Variants in STARD9 observed in about 807,000 individuals in gnomAD.
STARD9 encodes stAR-related lipid transfer protein 9.
In STARD9, 346 loss-of-function variants were observed where a neutral mutation model predicts 399.8. The observed-to-expected ratio is 0.87, with a 90% CI of 0.79 to 0.95. The LOEUF is 0.95. Ranked by LOEUF, STARD9 falls within the 40% of genes least tolerant of loss-of-function variation. The probability of loss-of-function intolerance (pLI) is 0.00; values close to 1 mark genes in which losing one functional copy is unlikely to be tolerated. For synonymous variants in STARD9, 2,203 were observed against 2,143.5 expected, an observed-to-expected ratio of 1.03 and a Z score of -0.77; for missense variants, 5,832 against 5,667.5, an observed-to-expected ratio of 1.03 and a Z score of -0.93.
chr15:42,718,326 G>A (rs2061389008), intron 30 of STARD9, 109 bp from the exon 31 acceptor site: 1 of 1,227,976 alleles, frequency 8.1e-7, no homozygotes, highest in Non-Finnish European at 1.2e-6. Context: ...CCTAGGTTGA[G>A]CTAGGTGTCA....
At chr15:42,664,822 A>C (rs977508324) in intron 13 of STARD9, among the ~76,000 whole-genome samples, 2 of 147,566 alleles carry the variant, frequency 1.4e-5, no homozygotes, top group East Asian at 2.0e-4. Context: ...ACACACACAC[A>C]CACCCCATAC....
Position 42,690,418 on chromosome 15 carries a change from A to G in STARD9, c.8840A>G (p.Glu2947Gly), listed in dbSNP as rs1032413902. The G allele has an allele frequency of 7.8e-6, 12 of 1,537,102 alleles. No homozygotes were observed. Among genetic ancestry groups the G allele is most frequent in the Middle Eastern group, 3.3e-4 (2 of 6,012 alleles). ...ACTCTCAGCCCGTCTAGAGGGAAAG[A>G]GAGCAGAACTCTTCCTTGCCGACAG... is the stretch of plus-strand genomic sequence containing the variant. ...SRTLSPSRGK[E>G]SRTLPCRQPC... Residue 2947 changes from glutamate (E) to glycine (G), a missense_variant, in exon 23 of 33, where the codon GAG becomes GGG. Physicochemically the swap from Glu to Gly is moderately conservative, Grantham distance 98. Transcript: ENST00000290607.
At chr15:42,695,408 G>T in intron 25 of STARD9, 85 bp downstream of exon 25, 1 of 1,277,060 alleles carries the variant, frequency 7.8e-7, no homozygotes, top group South Asian at 1.5e-5. Context: ...TCTGAGTCTT[G>T]GGACATACGT....
intron 16 of STARD9, 111 bp downstream of exon 16, chr15:42,669,448 C>A: frequency 6.0e-6 from 6 of 995,928 alleles, no homozygotes; most frequent in Non-Finnish European, 5.7e-6. Flanking sequence ...AAGACAGATG[C>A]TACAGAGCTG....
chr15:42,628,295 AT>A (rs903748645), intron 3 of STARD9, among the ~76,000 whole-genome samples: 4 of 151,902 alleles, frequency 2.6e-5, no homozygotes, highest in Non-Finnish European at 4.4e-5. Flanking sequence ...TTTTTTATTG[AT>A]TTTTTTGCAT....
At chr15:42,698,618 A>T (rs1006058882) in intron 26 of STARD9, among the ~76,000 whole-genome samples, 1 of 151,940 alleles carries the variant, frequency 6.6e-6, no homozygotes, top group Non-Finnish European at 1.5e-5. Flanking sequence ...GACTTTGCTT[A>T]TTTTGTTTGA....
intron 17 of STARD9, among the ~76,000 whole-genome samples, 164 bp downstream of exon 17, chr15:42,674,655 GGA>G (rs1258949809): frequency 2.6e-5 from 4 of 152,186 alleles, no homozygotes; most frequent in African/African-American, 9.6e-5. Flanking sequence ...CGTCACAGGG[GGA>G]GACCCACGCA....
Position 42,718,108 on chromosome 15 carries a change from T to C in STARD9, c.13691T>C (p.Val4564Ala). 1 of 1,537,254 alleles carries C rather than the reference T, an allele frequency of 6.5e-7. No homozygotes were observed. Among genetic ancestry groups the C allele is most frequent in the Non-Finnish European group, 8.7e-7 (1 of 1,146,900 alleles). ...TGGGCGGCTGTCAGTGACCCCACTGTGTGGCCCCTGTATTACAAGCCCATC... is the reference window on the plus strand; with the variant it reads ...TGGGCGGCTGTCAGTGACCCCACTGCGTGGCCCCTGTATTACAAGCCCATC... ...RVWAAVSDPT[V>A]WPLYYKPIQT... Residue 4564 changes from valine (V) to alanine (A), a missense_variant, in exon 30 of 33, where the codon GTG becomes GCG. By Grantham distance (64) the Val-to-Ala change is moderately conservative. Transcript: ENST00000290607.
At chr15:42,576,678 A>G (rs1384852050) in intron 1 of STARD9, among the ~76,000 whole-genome samples, 1 of 152,190 alleles carries the variant, frequency 6.6e-6, no homozygotes, top group Admixed American at 6.5e-5. Flanking sequence ...GCAAGTTTAA[A>G]AATCTCTGGG....
rs1451269890 is a variant in STARD9, at chr15:42,686,438, A to G, written c.4860A>G (p.Glu1620=). 6.5e-7 allele frequency: 1 copy of G among 1,537,802 alleles called. No homozygotes were observed. The highest frequency in any genetic ancestry group is 2.0e-5 in the Admixed American group (1 of 51,010). The change falls in exon 23 of 33, where the codon GAA becomes GAG. Residue 1620 remains glutamate, a synonymous_variant. Transcript: ENST00000290607. ...TENAIPDSMT[E]ACEVKQNNLE... is the part of the protein sequence containing the mutation. ...ACGCGATACCAGATTCCATGACAGAAGCATGTGAAGTCAAGCAGAACAACT... is the reference window on the plus strand; with the variant it reads ...ACGCGATACCAGATTCCATGACAGAGGCATGTGAAGTCAAGCAGAACAACT...
intron 3 of STARD9, among the ~76,000 whole-genome samples, chr15:42,627,005 G>A (rs1319512000): frequency 6.6e-6 from 1 of 152,048 alleles, no homozygotes; most frequent in Non-Finnish European, 1.5e-5. Context: ...GCCTCCCAAA[G>A]TGCTGGTATT....
intron 1 of STARD9, among the ~76,000 whole-genome samples, chr15:42,579,720 T>G (rs538267752): frequency 6.6e-6 from 1 of 152,274 alleles, no homozygotes; most frequent in East Asian, 1.9e-4. Context: ...GGAAAAAAAA[T>G]GCAGTTCTTT....
intron 22 of STARD9, among the ~76,000 whole-genome samples, chr15:42,683,457 C>A (rs2060478104): frequency 6.6e-6 from 1 of 151,864 alleles, no homozygotes; most frequent in African/African-American, 2.4e-5. Flanking sequence ...GTATATACTT[C>A]TAAAAAAAAA....
At chr15:42,678,829 A>C (rs1338177755) in intron 20 of STARD9, among the ~76,000 whole-genome samples, 1 of 152,210 alleles carries the variant, frequency 6.6e-6, no homozygotes, top group Admixed American at 6.5e-5. Flanking sequence ...CCAGACATGT[A>C]GTATAAGGTT....
intron 9 of STARD9, 117 bp from the exon 10 acceptor site, chr15:42,661,041 C>A: frequency 1.5e-6 from 1 of 667,412 alleles, no homozygotes; most frequent in Non-Finnish European, 2.6e-6. Flanking sequence ...CATTAGAATA[C>A]AGATTTGTTG....
chr15:42,705,604 A>G (rs1286644540), intron 26 of STARD9, among the ~76,000 whole-genome samples: 1 of 151,622 alleles, frequency 6.6e-6, no homozygotes, highest in Admixed American at 6.6e-5. Flanking sequence ...ATGCCTGGCT[A>G]ATTTTTCTTG....
At chr15:42,698,815 A>G (rs989888851) in intron 26 of STARD9, among the ~76,000 whole-genome samples, 1 of 151,982 alleles carries the variant, frequency 6.6e-6, no homozygotes, top group Admixed American at 6.6e-5. Context: ...CATATGAGGT[A>G]TGGATCCGAT....
At chr15:42,652,269 C>T (rs1011609200) in intron 8 of STARD9, among the ~76,000 whole-genome samples, 5 of 142,656 alleles carry the variant, frequency 3.5e-5, no homozygotes, top group Non-Finnish European at 7.4e-5. Context: ...GCTTCTATTG[C>T]TTAAAAAAAA....
At position 42,685,357 on chromosome 15, in the gene STARD9, G is replaced by A; in HGVS notation, c.3779G>A (p.Arg1260Lys). 1 of 1,537,304 alleles carries A rather than the reference G, an allele frequency of 6.5e-7. No individual in the cohort carries two copies. The stretch of plus-strand genomic sequence containing the variant: ...TGCAGGCTTGGTCCCATCAACTACA[G>A]AACAGCAGCTAGGCTGGATGCCGTC... ...AICRLGPINY[R>K]TAARLDAVLP... is the part of the protein sequence containing the mutation. The change falls in exon 23 of 33, where the codon AGA becomes AAA. Residue 1260 changes from arginine (R) to lysine (K), a missense_variant. This residue lies in a region of STARD9 where 5,828 missense variants were observed against 5,651.1 expected (regional missense o/e 1.03). Coordinates refer to ENST00000290607, the MANE Select transcript of STARD9 (RefSeq NM_020759.3).
Sources: allele counts gnomAD v4.1 joint callset (sites outside exome capture counted in the v4.1 genomes callset), GRCh38; gene constraint gnomAD v4.1.1; regional missense constraint gnomAD v4.1.1; transcripts MANE v1.5; gene names NCBI Gene and HGNC (gene_info 2026-07-23, HGNC 2026-07-21).